Variants in SPC25 observed in about 807,000 individuals in gnomAD.
SPC25 encodes the protein SPC25 component of NDC80 kinetochore complex.
Under a neutral mutation model 29.6 loss-of-function variants are expected in SPC25, and 22 were observed. That is an observed-to-expected ratio of 0.74 (90% CI 0.53 to 1.06). SPC25 has a LOEUF of 1.06. Ranked by LOEUF, SPC25 falls within the 50% of genes least tolerant of loss-of-function variation. SPC25 has a pLI of 0.00. For missense variants in SPC25, 230 were observed against 255.8 expected, an observed-to-expected ratio of 0.90 and a Z score of 0.69; for synonymous variants, 91 against 90.4, an observed-to-expected ratio of 1.01 and a Z score of -0.04.
chr2:168,876,615 A>G, intron 4 of SPC25, among the ~76,000 whole-genome samples: 1 of 62,992 alleles, frequency 1.6e-5, no homozygotes, highest in African/African-American at 5.1e-5. Flanking sequence ...TTTTTTTTTT[A>G]AGTTAGCACA....
chr2:168,862,924 A>G (rs528518912), intron 4 of SPC25, among the ~76,000 whole-genome samples: 1 of 152,352 alleles, frequency 6.6e-6, no homozygotes, highest in South Asian at 2.1e-4. Context: ...TTTTGTAGCC[A>G]AACGACAGGG....
At chr2:168,870,450 C>G (rs898736425), downstream of SPC25, among the ~76,000 whole-genome samples, 1 of 150,580 alleles carries the variant, frequency 6.6e-6, no homozygotes, top group Non-Finnish European at 1.5e-5. Flanking sequence ...ATTTTTGCAA[C>G]CTACTCATCT....
intron 3 of SPC25, among the ~76,000 whole-genome samples, chr2:168,888,996 T>C (rs1690328692): frequency 6.6e-5 from 7 of 106,704 alleles, no homozygotes; most frequent in African/African-American, 2.4e-4. Flanking sequence ...TATATGTATA[T>C]ATATACACAT....
In SPC25 at chr2:168,876,112, C is replaced by CAA. The variant is rs758859815; in HGVS notation, c.409_410dup (p.Leu137PhefsTer9). 6.4e-7 allele frequency: 1 copy of CAA among 1,564,874 alleles called. No homozygotes were observed. The highest frequency in any genetic ancestry group is 8.6e-7 in the Non-Finnish European group (1 of 1,163,408). On this transcript the variant is annotated frameshift_variant, in exon 5 of 7. Coordinates refer to ENST00000282074, the MANE Select transcript of SPC25 (RefSeq NM_020675.4). LOFTEE classifies it high-confidence loss of function. ...TTTCTAGTCCAAGTCGATCTTTATA[C>CAA]AAGTCTGCAGATTTCTGCAGCCTTT...
chr2:168,862,133 C>CT, intron 4 of SPC25: 1 of 1,217,612 alleles, frequency 8.2e-7, no homozygotes, highest in Non-Finnish European at 1.2e-6. Context: ...GTGTGGCAGC[C>CT]TTAAGAGTTA....
intron 1 of SPC25, 37 bp downstream of exon 1, chr2:168,890,281 G>C: frequency 2.1e-6 from 2 of 953,180 alleles, no homozygotes; most frequent in Non-Finnish European, 2.5e-6. Flanking sequence ...TGCGACAGGG[G>C]GGCCAAGGAG....
chr2:168,879,843 G>C (rs1690146289), intron 3 of SPC25, among the ~76,000 whole-genome samples: 2 of 152,158 alleles, frequency 1.3e-5, no homozygotes, highest in South Asian at 4.1e-4. Flanking sequence ...GTCTTAGTAG[G>C]CATGAAAACA....
intron 3 of SPC25, among the ~76,000 whole-genome samples, chr2:168,885,072 C>T (rs1439806597): frequency 1.3e-5 from 2 of 152,168 alleles, no homozygotes; most frequent in Non-Finnish European, 2.9e-5. Context: ...TGAATATATC[C>T]ATTGCCTATC....
At position 168,877,243 on chromosome 2, in the gene SPC25, T is replaced by C. The variant is rs762872188; in HGVS notation, c.341A>G (p.Lys114Arg). The stretch of plus-strand genomic sequence containing the variant: ...GTTTATAAGAGGAAACTTACTTTCC[T>C]TCTTCCTAGAATATTCTTCCTTAAG... ...QDLKEEYSRK[K>R]ETISTANKAN... Residue 114 changes from lysine (K) to arginine (R), a missense_variant, in exon 4 of 7, where the codon AAG becomes AGG. Physicochemically the swap from Lys to Arg is conservative, Grantham distance 26. Coordinates refer to ENST00000282074, the MANE Select transcript of SPC25 (RefSeq NM_020675.4). The C allele has an allele frequency of 3.7e-5, 60 of 1,612,858 alleles. No individual in the cohort carries two copies. The highest frequency in any genetic ancestry group is 4.7e-5 in the Non-Finnish European group (55 of 1,179,656).
rs182230865 is a variant in SPC25 at position 168,876,059 on chromosome 2, T to C, written c.451+13A>G. On this transcript the variant is annotated intron_variant, in intron 5 of 6. Coordinates refer to ENST00000282074, the MANE Select transcript of SPC25 (RefSeq NM_020675.4). ...TGTAATCTCCTATATTTTATTTATA[T>C]TAACAAACTTACCATAAATTTTTCG... is the stretch of plus-strand genomic sequence containing the variant. The C allele has an allele frequency of 4.6e-5, 67 of 1,445,602 alleles. 1 individual carries two copies. The Admixed American group carries it at 1.7e-3, about 37-fold the overall frequency. 89.5% of individuals were successfully genotyped at this position (1,445,602 alleles called of 1,614,324 possible). A position where few individuals can be genotyped will look rare whatever the true frequency, so the allele number is the denominator to read the frequency against.
intron 3 of SPC25, among the ~76,000 whole-genome samples, chr2:168,888,104 C>A (rs117836618): frequency 2.0e-5 from 3 of 152,122 alleles, no homozygotes; most frequent in Admixed American, 2.0e-4. Context: ...TATGGTGAAA[C>A]CCCATCTCTA....
At chr2:168,864,028 A>AGTCT (rs1248501854) in intron 4 of SPC25, among the ~76,000 whole-genome samples, 1 of 151,344 alleles carries the variant, frequency 6.6e-6, no homozygotes, top group Non-Finnish European at 1.5e-5. Flanking sequence ...CTCCTGCCTC[A>AGTCT]GTCTCCCAAG....
chr2:168,874,339 T>C (rs1216544469), intron 5 of SPC25, among the ~76,000 whole-genome samples: 1 of 152,154 alleles, frequency 6.6e-6, no homozygotes, highest in African/African-American at 2.4e-5. Flanking sequence ...AAAGTTTAAA[T>C]ACAGAATTAC....
intron 1 of SPC25, 130 bp from the exon 2 acceptor site, chr2:168,889,663 T>A: frequency 1.0e-6 from 1 of 963,216 alleles, no homozygotes; most frequent in Non-Finnish European, 1.5e-6. Context: ...TAATTCTAGG[T>A]ATTCAAGGGT....
At chr2:168,888,819 G>A (rs1354926943) in intron 3 of SPC25, among the ~76,000 whole-genome samples, 3 of 146,508 alleles carry the variant, frequency 2.0e-5, no homozygotes, top group Non-Finnish European at 4.5e-5. Flanking sequence ...TAGAGACAGG[G>A]TTTCACCATG....
chr2:168,866,687 G>C (rs1441020338), downstream of SPC25, among the ~76,000 whole-genome samples: 2 of 152,184 alleles, frequency 1.3e-5, no homozygotes, highest in African/African-American at 4.8e-5. Context: ...AAAGTGAACA[G>C]GCAACCTACA....
rs1335991348 is a variant in SPC25 at position 168,889,573 on chromosome 2, A to C, written c.-14-40T>G. ...CATATTGCATTTTTTAAGTTACTGA[A>C]ATCAAATCACCCACATATTCCAATC... On this transcript the variant is annotated intron_variant, in intron 1 of 6. Coordinates refer to ENST00000282074, the MANE Select transcript of SPC25 (RefSeq NM_020675.4). The C allele has an allele frequency of 3.8e-6, 6 of 1,568,914 alleles. No homozygotes were observed. The Admixed American group carries it at 5.4e-5, about 14-fold the overall frequency.
chr2:168,886,861 T>C (rs572447487), intron 3 of SPC25, among the ~76,000 whole-genome samples: 2 of 152,190 alleles, frequency 1.3e-5, no homozygotes, highest in Non-Finnish European at 2.9e-5. Flanking sequence ...GATAATGCTT[T>C]TAGATTTTAG....
In SPC25 at chr2:168,871,357, TAATAAA is replaced by T; in HGVS notation, c.*68_*73del. 7.8e-7 allele frequency: 1 copy of T among 1,278,074 alleles called. No individual in the cohort carries two copies. The highest frequency in any genetic ancestry group is 2.9e-5 in the East Asian group (1 of 34,982). The allele number at this position is 1,278,074 out of a possible 1,614,324, so 79.2% of individuals were successfully genotyped here. On this transcript the variant is annotated 3_prime_UTR_variant, in exon 7 of 7. Transcript: ENST00000282074. ...TACCCTAAAACTTAAAGTATAATAATAATAAAAACAAGAAAAAAAGAGATATGTAAT... is the reference window on the plus strand; with the variant it reads ...TACCCTAAAACTTAAAGTATAATAATAACAAGAAAAAAAGAGATATGTAAT...
Sources: allele counts gnomAD v4.1 joint callset (sites outside exome capture counted in the v4.1 genomes callset), GRCh38; gene constraint gnomAD v4.1.1; transcripts MANE v1.5; gene names NCBI Gene and HGNC (gene_info 2026-07-23, HGNC 2026-07-21).